LDHB: variants seen among roughly 807,000 people sequenced by gnomAD.
The protein encoded by LDHB is lactate dehydrogenase B.
Under a neutral mutation model 33.4 loss-of-function variants are expected in LDHB, and 18 were observed. The ratio of observed to expected loss-of-function variants is 0.54; its 90% CI spans 0.37 to 0.80. The LOEUF is 0.80. Among genes scored for constraint, LDHB ranks in the 30% least tolerant of loss-of-function variants. The probability of loss-of-function intolerance (pLI) is 0.00; values close to 1 mark genes in which losing one functional copy is unlikely to be tolerated. For synonymous variants in LDHB, 121 were observed against 140.6 expected (o/e 0.86, Z 0.98); for missense variants, 345 against 407.9 (o/e 0.85, Z 1.33).
chr12:21,645,087 C>A (rs370850981), intron 3 of LDHB, among the ~76,000 whole-genome samples: 146 of 152,250 alleles, frequency 9.6e-4, no homozygotes, highest in South Asian at 6.6e-3. Context: ...CACCCCTGCG[C>A]TCCCTGAAAC....
At chr12:21,647,326 T>G (rs1177201939) in intron 2 of LDHB, among the ~76,000 whole-genome samples, 2 of 152,174 alleles carry the variant, frequency 1.3e-5, no homozygotes, top group Admixed American at 6.5e-5. Context: ...GAAACAACCT[T>G]GGGCAATGTG....
intron 2 of LDHB, among the ~76,000 whole-genome samples, chr12:21,650,064 C>T (rs1242804162): frequency 6.8e-6 from 1 of 146,870 alleles, no homozygotes; most frequent in Non-Finnish European, 1.5e-5. Flanking sequence ...TGTGCTCCAG[C>T]CTGGGTGACA....
chr12:21,645,239 A>AAGGCC (rs142902501), intron 3 of LDHB, among the ~76,000 whole-genome samples: 143,577 of 151,954 alleles, frequency 0.94, 68,331 homozygotes, highest in East Asian at 1. Flanking sequence ...TACACTATGG[A>AAGGCC]AGGCCGCAGG....
intron 4 of LDHB, among the ~76,000 whole-genome samples, 189 bp from the exon 5 acceptor site, chr12:21,642,314 C>CTAA (rs1446311678): frequency 6.6e-6 from 1 of 152,020 alleles, no homozygotes; most frequent in Non-Finnish European, 1.5e-5. Context: ...CAAAAACAAA[C>CTAA]TTTTAAGCCT....
chr12:21,648,017 C>A (rs561542858), intron 2 of LDHB, among the ~76,000 whole-genome samples: 1 of 119,658 alleles, frequency 8.4e-6, no homozygotes, highest in East Asian at 2.6e-4. Flanking sequence ...TTCTCAATAT[C>A]TACATAAAAG....
chr12:21,635,488 G>C lies in LDHB; in HGVS notation c.*54C>G, dbSNP rs765895457. The stretch of plus-strand genomic sequence containing the variant: ...CCATGTACATGGATGAAAACTAAAG[G>C]CTCGAGTTAATCACATTGTAGTTTT... On this transcript the variant is annotated 3_prime_UTR_variant, in exon 8 of 8. Coordinates refer to ENST00000350669, the MANE Select transcript of LDHB (RefSeq NM_002300.8). 3 of 1,408,828 alleles carry C rather than the reference G, an allele frequency of 2.1e-6. No homozygotes were observed. Among genetic ancestry groups the C allele is most frequent in the Non-Finnish European group, 3.0e-6 (3 of 994,894 alleles). The allele number at this position is 1,408,828 out of a possible 1,614,324, so 87.3% of individuals were successfully genotyped here. A position where few individuals can be genotyped will look rare whatever the true frequency, so the allele number is the denominator to read the frequency against.
chr12:21,636,971 C>T, intron 7 of LDHB, 100 bp downstream of exon 7: 1 of 1,052,292 alleles, frequency 9.5e-7, no homozygotes, highest in South Asian at 1.3e-5. Context: ...CAGAAATAAC[C>T]TTGAACTATG....
Position 21,643,993 on chromosome 12 carries a change from A to AAT in LDHB, c.361_362dup (p.Ile122LeufsTer14). On this transcript the variant is annotated frameshift_variant, in exon 4 of 8. Coordinates refer to ENST00000350669, the MANE Select transcript of LDHB (RefSeq NM_002300.8). LOFTEE classifies it high-confidence loss of function. ...GACTGTACTTGACGATCTGAGGAAT[A>AAT]ATGAATTTGAAGACATTAACATTTC... is the stretch of plus-strand genomic sequence containing the variant. The AAT allele has an allele frequency of 6.2e-7, 1 of 1,613,246 alleles. No homozygotes were observed. Among genetic ancestry groups the AAT allele is most frequent in the Non-Finnish European group, 8.5e-7 (1 of 1,179,190 alleles).
intron 7 of LDHB, 89 bp downstream of exon 7, chr12:21,636,982 A>G: frequency 9.0e-7 from 1 of 1,115,794 alleles, no homozygotes; most frequent in Admixed American, 1.7e-5. Flanking sequence ...TTGAACTATG[A>G]TTTTATCTGG....
intron 2 of LDHB, among the ~76,000 whole-genome samples, chr12:21,652,393 G>A (rs1285236016): frequency 1.3e-5 from 2 of 152,178 alleles, no homozygotes; most frequent in Non-Finnish European, 2.9e-5. Context: ...CCAACAGCAA[G>A]TATATGAACA....
chr12:21,646,900 T>G lies in LDHB; in HGVS notation c.246A>C (p.Lys82Asn). 1 of 1,586,330 alleles carries G rather than the reference T, an allele frequency of 6.3e-7. No homozygotes were observed. Among genetic ancestry groups the G allele is most frequent in the East Asian group, 2.2e-5 (1 of 44,750 alleles). ...ACTTTGGGCATTAAGTGAAATTACC[T>G]TTATCTGCCACAATTTTAGGTGTCT... ...FLQTPKIVAD[K>N]DYSVTANSKI... Residue 82 changes from lysine to asparagine, a missense_variant and splice_region_variant, in exon 3 of 8, where the codon AAA becomes AAC. Transcript: ENST00000350669.
chr12:21,643,316 A>C (rs920037913), intron 4 of LDHB, among the ~76,000 whole-genome samples: 2 of 152,240 alleles, frequency 1.3e-5, no homozygotes, highest in Non-Finnish European at 2.9e-5. Context: ...AGATAAAAGC[A>C]GTATATCAAA....
At chr12:21,639,075 CAA>C (rs1938291894) in intron 5 of LDHB, among the ~76,000 whole-genome samples, 1 of 151,710 alleles carries the variant, frequency 6.6e-6, no homozygotes, top group South Asian at 2.1e-4. Context: ...GAAATAGGAG[CAA>C]AAGTGTGGGG....
intron 5 of LDHB, among the ~76,000 whole-genome samples, chr12:21,640,331 G>A (rs1938338616): frequency 1.2e-5 from 1 of 82,906 alleles, no homozygotes; most frequent in South Asian, 6.3e-4. Context: ...GTTTTAAATT[G>A]TCTGAACACG....
rs79648544 is a variant in LDHB, at chr12:21,645,888, G to A, written c.247+1011C>T. Reference sequence around the variant, plus strand: ...TTTTCTCCAGTCTCTCGTTCCACCCGACGAGAAATGCCCACAAGGGTGGAG... The same window carrying A: ...TTTTCTCCAGTCTCTCGTTCCACCCAACGAGAAATGCCCACAAGGGTGGAG... On this transcript the variant is annotated intron_variant, in intron 3 of 7. Transcript: ENST00000350669. Among the ~76,000 whole-genome samples, 1,341 of 152,172 alleles carry A rather than the reference G, an allele frequency of 8.8e-3. 7 individuals are homozygous for A. The highest frequency in any genetic ancestry group is 0.017 in the Middle Eastern group (5 of 294).
intron 2 of LDHB, among the ~76,000 whole-genome samples, chr12:21,653,161 A>C (rs1938741382): frequency 6.6e-6 from 1 of 152,238 alleles, no homozygotes; most frequent in South Asian, 2.1e-4. Flanking sequence ...TGAACTACAA[A>C]GGATACATAT....
chr12:21,651,356 A>G (rs1340480471), intron 2 of LDHB, among the ~76,000 whole-genome samples: 2 of 152,198 alleles, frequency 1.3e-5, no homozygotes, highest in Admixed American at 6.5e-5. Context: ...AAAGCTCTCT[A>G]TGGTTATTAT....
chr12:21,637,899 C>G (rs1421917265), intron 6 of LDHB, among the ~76,000 whole-genome samples: 2 of 16,286 alleles, frequency 1.2e-4, no homozygotes, highest in Non-Finnish European at 2.1e-3. Context: ...GTTCAAATTC[C>G]TGAAAAAAAA....
At position 21,641,912 on chromosome 12, in the gene LDHB, A is replaced by G. The variant is rs1347582615; in HGVS notation, c.595+40T>C. 1.9e-6 allele frequency: 3 copies of G among 1,549,340 alleles called. No homozygotes were observed. The Admixed American group carries it at 5.2e-5, about 27-fold the overall frequency. On this transcript the variant is annotated intron_variant, in intron 5 of 7. Transcript: ENST00000350669. ...AAAATGAAAAATTCAAAATGGCAAA[A>G]CCAACATCACAAGTAATTATTTCTT... is the stretch of plus-strand genomic sequence containing the variant.
Sources: gnomAD v4.1 joint callset for allele counts (sites outside exome capture counted in the v4.1 genomes callset) on GRCh38, gnomAD v4.1.1 for gene constraint, MANE v1.5 for transcripts, NCBI Gene and HGNC (gene_info 2026-07-23, HGNC 2026-07-21) for gene names.